C12orf42: variants seen among roughly 807,000 people sequenced by gnomAD.
C12orf42 encodes the protein uncharacterized protein C12orf42.
C12orf42 carries 25 observed loss-of-function variants against 21.6 expected under a neutral mutation model. The observed-to-expected ratio is 1.16, with a 90% CI of 0.84 to 1.62. The LOEUF is 1.62. Among genes scored for constraint, C12orf42 ranks in the 40% most tolerant of loss-of-function variants. The pLI is 0.00. For missense variants in C12orf42, 483 were observed against 459.3 expected, an observed-to-expected ratio of 1.05 and a Z score of -0.47; for synonymous variants, 174 against 175.0, an observed-to-expected ratio of 0.99 and a Z score of 0.05.
chr12:103,176,857 T>A, the C12orf42 span, among the ~76,000 whole-genome samples: 5 of 152,256 alleles, frequency 3.3e-5, no homozygotes, highest in Non-Finnish European at 7.4e-5. Context: ...GAAAATTATG[T>A]CCCCGTGAGT....
the C12orf42 span, among the ~76,000 whole-genome samples, chr12:103,144,778 C>G: frequency 6.6e-6 from 1 of 152,094 alleles, no homozygotes; most frequent in Non-Finnish European, 1.5e-5. Flanking sequence ...CCACGGAAAA[C>G]GACTTGGGCA....
At chr12:103,052,024 T>C in the C12orf42 span, among the ~76,000 whole-genome samples, 1 of 152,226 alleles carries the variant, frequency 6.6e-6, no homozygotes, top group Non-Finnish European at 1.5e-5. Flanking sequence ...TAGCATGTTG[T>C]TTTGTGTAGC....
the C12orf42 span, among the ~76,000 whole-genome samples, chr12:103,092,258 G>A: frequency 9.9e-5 from 15 of 152,284 alleles, no homozygotes; most frequent in South Asian, 2.7e-3. Context: ...TCGCTTTCTG[G>A]TAGGATGTTC....
the C12orf42 span, among the ~76,000 whole-genome samples, chr12:103,105,939 A>C: frequency 4.0e-3 from 603 of 152,316 alleles, 2 homozygotes; most frequent in African/African-American, 0.013. Flanking sequence ...ATGAGATTAG[A>C]GAATGGGTGA....
At position 103,350,064 on chromosome 12, in the gene C12orf42, G is replaced by A. The variant is rs558914817; in HGVS notation, c.259+18823C>T. Among the ~76,000 whole-genome samples the A allele has an allele frequency of 3.9e-5, 6 of 152,220 alleles. No individual in the cohort carries two copies. In the East Asian group the frequency reaches 1.2e-3, roughly 29 times the overall value. On this transcript the variant is annotated intron_variant, in intron 4 of 5. Coordinates refer to ENST00000548883, the MANE Select transcript of C12orf42 (RefSeq NM_198521.5). ...ACCAAATTTAGGAAGATAAGATAAT[G>A]ACCAAATTTAGGAAGATAAGATAAT...
chr12:103,391,457 C>G (rs2047072477), intron 3 of C12orf42, among the ~76,000 whole-genome samples: 1 of 152,004 alleles, frequency 6.6e-6, no homozygotes, highest in Non-Finnish European at 1.5e-5. Context: ...AAATAACAAC[C>G]ATTATGATGG....
the C12orf42 span, among the ~76,000 whole-genome samples, chr12:103,194,820 G>T: frequency 6.6e-6 from 1 of 152,088 alleles, no homozygotes; most frequent in South Asian, 2.1e-4. Context: ...TTTGTTTCAG[G>T]AAGTACATGT....
the C12orf42 span, among the ~76,000 whole-genome samples, chr12:103,121,210 A>G: frequency 1.2e-4 from 19 of 152,238 alleles, no homozygotes; most frequent in Non-Finnish European, 1.8e-4. Context: ...TTCAAAATCA[A>G]TGGATCTTCA....
At chr12:103,432,934 T>C (rs1950375468) in intron 2 of C12orf42, among the ~76,000 whole-genome samples, 1 of 152,196 alleles carries the variant, frequency 6.6e-6, no homozygotes, top group Admixed American at 6.5e-5. Context: ...CCATCCAGTC[T>C]GTGGTATTTT....
downstream of C12orf42, chr12:103,301,944 G>C: frequency 1.3e-6 from 1 of 761,514 alleles, no homozygotes; most frequent in Non-Finnish European, 2.1e-6. Flanking sequence ...AACATTTTTG[G>C]CTGCGCTAGG....
At chr12:103,356,981 T>G (rs1454270808) in intron 4 of C12orf42, among the ~76,000 whole-genome samples, 18 of 151,762 alleles carry the variant, frequency 1.2e-4, no homozygotes, top group Non-Finnish European at 1.6e-4. Context: ...AAATGATGAG[T>G]TCATGTCCTT....
rs188136619 is a variant in C12orf42, at chr12:103,331,597, G to A, written c.260-25252C>T. Reference sequence around the variant, plus strand: ...GTCCAGGGAGCTGAAGGGGAACAGAGGAGGAACATGTGGTCCCAGTTTACT... The same window carrying A: ...GTCCAGGGAGCTGAAGGGGAACAGAAGAGGAACATGTGGTCCCAGTTTACT... On this transcript the variant is annotated intron_variant, in intron 4 of 5. Transcript: ENST00000548883. Among the ~76,000 whole-genome samples, 18 of 152,344 alleles carry A rather than the reference G, an allele frequency of 1.2e-4. No homozygotes were observed. The East Asian group carries it at 3.5e-3, about 29-fold the overall frequency.
At chr12:103,292,460 G>C (rs978778875) in intron 4 of C12orf42, among the ~76,000 whole-genome samples, 1 of 151,964 alleles carries the variant, frequency 6.6e-6, no homozygotes, top group East Asian at 1.9e-4. Flanking sequence ...TCAAATCTTT[G>C]TGGCTTAAAA....
At chr12:103,058,806 G>A in the C12orf42 span, among the ~76,000 whole-genome samples, 1 of 152,162 alleles carries the variant, frequency 6.6e-6, no homozygotes, top group Non-Finnish European at 1.5e-5. Context: ...CAAGGTACCA[G>A]AATCTCTTGG....
intron 10 of C12orf42, among the ~76,000 whole-genome samples, chr12:103,255,895 CA>C (rs1476551658): frequency 2.0e-5 from 3 of 148,212 alleles, no homozygotes; most frequent in Admixed American, 6.7e-5. Flanking sequence ...ACTAAAAATA[CA>C]AAAAAAATTA....
At chr12:103,322,101 ACGCGCGTGCGTG>A (rs2040199634) in intron 4 of C12orf42, among the ~76,000 whole-genome samples, 2 of 115,406 alleles carry the variant, frequency 1.7e-5, no homozygotes, top group East Asian at 2.7e-4. Context: ...TCAGATGTGC[ACGCGCGTGCGTG>A]CGCGCGCGCG....
At position 103,302,376 on chromosome 12, in the gene C12orf42, G is replaced by A. The variant is rs536032327; in HGVS notation, c.815C>T (p.Pro272Leu). The change falls in exon 6 of 6, where the codon CCC becomes CTC. Residue 272 changes from proline (P) to leucine (L), a missense_variant. By Grantham distance (98) the Pro-to-Leu change is moderately conservative (BLOSUM62 -3). Coordinates refer to ENST00000548883, the MANE Select transcript of C12orf42 (RefSeq NM_198521.5). ...QSRLLGASGNPVGKGAVAMAP... is the reference protein window; with the variant it reads ...QSRLLGASGNLVGKGAVAMAP... The stretch of plus-strand genomic sequence containing the variant: ...CATGGCAACCGCGCCTTTTCCGACG[G>A]GATTTCCGGACGCGCCCAGGAGTCT... 6.2e-6 allele frequency: 10 copies of A among 1,613,932 alleles called. No individual in the cohort carries two copies. In the South Asian group the frequency reaches 7.7e-5, roughly 12 times the overall value.
intron 10 of C12orf42, among the ~76,000 whole-genome samples, chr12:103,244,677 C>CT: frequency 6.6e-6 from 1 of 152,190 alleles, no homozygotes. Flanking sequence ...AGAATTTCCC[C>CT]TCTTTTTTAT....
At chr12:103,118,905 C>A in the C12orf42 span, among the ~76,000 whole-genome samples, 1 of 149,216 alleles carries the variant, frequency 6.7e-6, no homozygotes, top group Admixed American at 6.7e-5. Flanking sequence ...TGCACACATT[C>A]TTAAAGATTT....
Sources: gnomAD v4.1 joint callset for allele counts (sites outside exome capture counted in the v4.1 genomes callset) on GRCh38, gnomAD v4.1.1 for gene constraint, MANE v1.5 for transcripts, NCBI Gene and HGNC (gene_info 2026-07-23, HGNC 2026-07-21) for gene names.